Variants in FBXO24 observed in about 807,000 individuals in gnomAD.
FBXO24 encodes F-box only protein 24.
In FBXO24, 30 loss-of-function variants were observed where a neutral mutation model predicts 63.5. That is an observed-to-expected ratio of 0.47 (90% CI 0.35 to 0.64). The LOEUF (loss-of-function observed/expected upper bound fraction) is 0.64. Ranked by LOEUF, FBXO24 falls within the 30% of genes least tolerant of loss-of-function variation. The pLI, the probability that FBXO24 is intolerant of heterozygous loss-of-function variation, is 0.00. For synonymous variants in FBXO24, 300 were observed against 305.0 expected (o/e 0.98, Z 0.17); for missense variants, 624 against 763.4 (o/e 0.82, Z 2.15).
intron 5 of FBXO24, 36 bp downstream of exon 5, chr7:100,593,053 C>T (rs748202652): frequency 6.4e-7 from 1 of 1,571,428 alleles, no homozygotes; most frequent in Non-Finnish European, 8.7e-7. Context: ...CAAACTGTTT[C>T]CTGCAGATTC....
chr7:100,595,284 G>T, intron 7 of FBXO24, 61 bp downstream of exon 7: 1 of 1,612,208 alleles, frequency 6.2e-7, no homozygotes, highest in Non-Finnish European at 8.5e-7. Context: ...TGGAAGGTCT[G>T]AAGTATTATA....
chr7:100,591,780 G>A lies in FBXO24; in HGVS notation c.436G>A (p.Val146Ile), dbSNP rs768479204. The A allele has an allele frequency of 9.9e-6, 16 of 1,614,118 alleles. No homozygotes were observed. The highest frequency in any genetic ancestry group is 1.3e-5 in the African/African-American group (1 of 74,932). Residue 146 changes from valine to isoleucine, a missense_variant, in exon 4 of 10, where the codon GTC becomes ATC. Val to Ile is a conservative substitution (Grantham distance 29, BLOSUM62 3). Coordinates refer to ENST00000241071, the MANE Select transcript of FBXO24 (RefSeq NM_033506.3). ...CCGCTTCTTGCCCACCAAGGATCACGTCTTCATTCTTGACTACGTGGGGAC... is the reference window on the plus strand; with the variant it reads ...CCGCTTCTTGCCCACCAAGGATCACATCTTCATTCTTGACTACGTGGGGAC... The part of the protein sequence containing the change: ...YRRFLPTKDH[V>I]FILDYVGTLF...
rs201587378 is a variant in FBXO24, at chr7:100,589,973, G to A, written c.40-4G>A. ...TGGGACCCTATGCACCCCTTCTTGG[G>A]TAGGTGAAGAGAAGCTGCCCTTCTT... On this transcript the variant is annotated splice_polypyrimidine_tract_variant and splice_region_variant and intron_variant, in intron 1 of 9. Coordinates refer to ENST00000241071, the MANE Select transcript of FBXO24 (RefSeq NM_033506.3). 2.5e-6 allele frequency: 4 copies of A among 1,612,376 alleles called. No homozygotes were observed. The highest frequency in any genetic ancestry group is 1.7e-5 in the Admixed American group (1 of 59,706).
At chr7:100,597,884 G>GTTTT (rs1393606783) in intron 8 of FBXO24, among the ~76,000 whole-genome samples, 4 of 136,258 alleles carry the variant, frequency 2.9e-5, no homozygotes, top group Admixed American at 2.2e-4. Context: ...TGTTTTTTTT[G>GTTTT]TTTTTTTTGT....
intron 8 of FBXO24, among the ~76,000 whole-genome samples, chr7:100,598,387 C>G (rs972775752): frequency 6.6e-6 from 1 of 152,048 alleles, no homozygotes; most frequent in African/African-American, 2.4e-5. Context: ...AGAATTAAAG[C>G]GCTAACAGGC....
At chr7:100,597,815 C>T (rs898363072) in intron 8 of FBXO24, among the ~76,000 whole-genome samples, 1 of 152,084 alleles carries the variant, frequency 6.6e-6, no homozygotes, top group Non-Finnish European at 1.5e-5. Flanking sequence ...GATCCTCCCG[C>T]CTCAACCTCC....
At position 100,597,891 on chromosome 7, in the gene FBXO24, T is replaced by TAG. The variant is rs1177405301; in HGVS notation, c.1207-2140_1207-2139insAG. ...TAAGTTTTTGTTTTTTTTGTTTTTT[T>TAG]TGTTTTTTTTTTTTTTAGAGACAGG... On this transcript the variant is annotated intron_variant, in intron 8 of 9. Transcript: ENST00000241071. Among the ~76,000 whole-genome samples, 436 of 143,684 alleles carry TAG rather than the reference T, an allele frequency of 3.0e-3. 1 individual carries two copies. The highest frequency in any genetic ancestry group is 0.01 in the African/African-American group (421 of 40,318). 94.3% of individuals were successfully genotyped at this position (143,684 alleles called of 152,430 possible). A position where few individuals can be genotyped will look rare whatever the true frequency, so the allele number is the denominator to read the frequency against.
chr7:100,597,886 T>G (rs1166544671), intron 8 of FBXO24, among the ~76,000 whole-genome samples: 1 of 142,932 alleles, frequency 7.0e-6, no homozygotes, highest in Admixed American at 6.9e-5. Context: ...TTTTTTTTGT[T>G]TTTTTTGTTT....
Position 100,600,020 on chromosome 7 carries a change from T to A in FBXO24, c.1207-11T>A. The A allele has an allele frequency of 7.1e-7, 1 of 1,407,750 alleles. No individual in the cohort carries two copies. Among genetic ancestry groups the A allele is most frequent in the Non-Finnish European group, 9.6e-7 (1 of 1,044,432 alleles). 87.2% of individuals were successfully genotyped at this position (1,407,750 alleles called of 1,614,324 possible). On this transcript the variant is annotated splice_polypyrimidine_tract_variant and intron_variant, in intron 8 of 9. Coordinates refer to ENST00000241071, the MANE Select transcript of FBXO24 (RefSeq NM_033506.3). This position sits in a 1 kb window ranked among gnomAD's most constrained non-coding sequence, Gnocchi z 6.3. ...GCTCCCTGCTCAGGGACCCTGGCCG[T>A]GTGTCCCCAGGTTTGTTACCTGCAG...
In FBXO24 at chr7:100,591,806, C is replaced by T. The variant is rs1164690645; in HGVS notation, c.462C>T (p.Thr154=). ...TCTTCATTCTTGACTACGTGGGGAC[C>T]CTCTTCTTCCTCAAAAATGCCCTGG... ...DHVFILDYVG[T]LFFLKNALVS... Residue 154 remains threonine (T), a synonymous_variant, in exon 4 of 10, where the codon ACC becomes ACT. Transcript: ENST00000241071. 6.2e-6 allele frequency: 10 copies of T among 1,614,214 alleles called. No homozygotes were observed. In the African/African-American group the frequency reaches 1.2e-4, roughly 19 times the overall value.
At chr7:100,589,771 G>A in intron 1 of FBXO24, 1 of 1,538,934 alleles carries the variant, frequency 6.5e-7, no homozygotes, top group African/African-American at 1.4e-5. Flanking sequence ...ACCAGGCTGT[G>A]TGGACGGGAG....
Position 100,590,267 on chromosome 7 carries a change from G to T in FBXO24, c.232G>T (p.Val78Leu). 1 of 1,614,198 alleles carries T rather than the reference G, an allele frequency of 6.2e-7. No homozygotes were observed. The highest frequency in any genetic ancestry group is 8.5e-7 in the Non-Finnish European group (1 of 1,180,034). The part of the protein sequence containing the change: ...YFHEVCDGEG[V>L]WRRICRRLSP... ...CCACGAAGTGTGCGATGGGGAAGGC[G>T]TGTGGAGACGCATCTGTCGCAGACT... Residue 78 changes from valine (V) to leucine (L), a missense_variant, in exon 3 of 10, where the codon GTG (valine) becomes TTG (leucine). This residue lies in a region of FBXO24 where 391 missense variants were observed against 469.1 expected (regional missense o/e 0.83). Coordinates refer to ENST00000241071, the MANE Select transcript of FBXO24 (RefSeq NM_033506.3).
At chr7:100,591,537 T>G in intron 3 of FBXO24, 130 bp from the exon 4 acceptor site, 1 of 740,000 alleles carries the variant, frequency 1.4e-6, no homozygotes, top group Non-Finnish European at 2.3e-6. Flanking sequence ...ATAAGGGGTC[T>G]GTTTGTTCCC....
At chr7:100,587,278 C>A (rs1460330561) in intron 1 of FBXO24, among the ~76,000 whole-genome samples, 1 of 151,784 alleles carries the variant, frequency 6.6e-6, no homozygotes, top group Non-Finnish European at 1.5e-5. Context: ...CCCTCCCTCC[C>A]TCTCCCTTCC....
intron 8 of FBXO24, 60 bp from the exon 9 acceptor site, chr7:100,599,971 A>AACC: frequency 1.0e-5 from 12 of 1,168,808 alleles, no homozygotes; most frequent in Non-Finnish European, 9.9e-6. Context: ...ACCTTTTCCC[A>AACC]CCCCAGCCCC....
chr7:100,586,716 C>T (rs370287431), intron 1 of FBXO24, 52 bp downstream of exon 1: 2 of 1,602,310 alleles, frequency 1.2e-6, no homozygotes, highest in Admixed American at 1.7e-5. Context: ...AGCCCCTGGC[C>T]GGCCGGGAAC....
At chr7:100,586,742 A>T (rs1273753933) in intron 1 of FBXO24, 78 bp downstream of exon 1, 1 of 1,517,970 alleles carries the variant, frequency 6.6e-7, no homozygotes, top group Non-Finnish European at 9.1e-7. Context: ...TCGCCGCTGC[A>T]GTGGCGAGTG....
Position 100,586,582 on chromosome 7 carries a change from T to C in FBXO24, c.-44T>C, listed in dbSNP as rs1236347334. Reference sequence around the variant, plus strand: ...CCAATTAGAGCCTCCGAAGGGAATCTGGACCTGCCTCTTCTCTGAGGGACG... The same window carrying C: ...CCAATTAGAGCCTCCGAAGGGAATCCGGACCTGCCTCTTCTCTGAGGGACG... On this transcript the variant is annotated 5_prime_UTR_variant, in exon 1 of 10. Transcript: ENST00000241071. 1 of 1,610,930 alleles carries C rather than the reference T, an allele frequency of 6.2e-7. No homozygotes were observed. Among genetic ancestry groups the C allele is most frequent in the African/African-American group, 1.3e-5 (1 of 74,884 alleles).
At chr7:100,591,935 A>G (rs2131265479) in intron 4 of FBXO24, 33 bp downstream of exon 4, 2 of 1,603,394 alleles carry the variant, frequency 1.2e-6, no homozygotes, top group Non-Finnish European at 1.7e-6. Context: ...CTGAGAGCCC[A>G]CCTGTATTAG....
Sources: allele counts gnomAD v4.1 joint callset (sites outside exome capture counted in the v4.1 genomes callset), GRCh38; gene constraint gnomAD v4.1.1; regional missense constraint gnomAD v4.1.1; non-coding constraint Gnocchi (gnomAD v3.1); transcripts MANE v1.5; gene names NCBI Gene and HGNC (gene_info 2026-07-23, HGNC 2026-07-21).